CD302: variants seen among roughly 807,000 people sequenced by gnomAD.
The protein encoded by CD302 is CD302 antigen.
A neutral mutation model predicts 26.5 loss-of-function variants in CD302; 23 were observed. That is an observed-to-expected ratio of 0.87 (90% CI 0.62 to 1.23). CD302 has a LOEUF of 1.23. CD302 is among the 50% of genes most tolerant of loss of function. CD302 has a pLI of 0.00. For missense variants in CD302, 290 were observed against 275.5 expected, an observed-to-expected ratio of 1.05 and a Z score of -0.37; for synonymous variants, 90 against 99.4, an observed-to-expected ratio of 0.91 and a Z score of 0.56.
chr2:159,772,120 G>A, intron 5 of CD302, 67 bp from the exon 6 acceptor site: 2 of 1,513,760 alleles, frequency 1.3e-6, no homozygotes, highest in Non-Finnish European at 9.0e-7. Flanking sequence ...ATATTTTGAT[G>A]AGCACAACTG....
intron 5 of CD302, among the ~76,000 whole-genome samples, chr2:159,774,985 G>A (rs1056888757): frequency 2.6e-5 from 4 of 152,132 alleles, no homozygotes; most frequent in African/African-American, 9.7e-5. Flanking sequence ...TTGACTTTAG[G>A]TCTTCATTAT....
chr2:159,790,790 T>C (rs1012967284), intron 1 of CD302, among the ~76,000 whole-genome samples: 15 of 152,214 alleles, frequency 9.9e-5, no homozygotes, highest in Admixed American at 8.5e-4. Flanking sequence ...CACTTTTGTA[T>C]TATTTCTAGT....
chr2:159,777,842 T>C (rs1191547724), intron 5 of CD302, 96 bp downstream of exon 5: 3 of 605,964 alleles, frequency 5.0e-6, no homozygotes, highest in Non-Finnish European at 5.3e-6. Flanking sequence ...TTATATTACA[T>C]AATTTTAAAA....
chr2:159,795,839 C>G (rs1454818328), intron 1 of CD302, among the ~76,000 whole-genome samples: 1 of 152,238 alleles, frequency 6.6e-6, no homozygotes, highest in Non-Finnish European at 1.5e-5. Context: ...TCCCTAGATT[C>G]TGATCCACAT....
At chr2:159,775,054 T>A (rs944792466) in intron 5 of CD302, among the ~76,000 whole-genome samples, 1 of 152,178 alleles carries the variant, frequency 6.6e-6, no homozygotes, top group African/African-American at 2.4e-5. Flanking sequence ...AAAATAAAAA[T>A]AAAGTGCAAC....
intron 2 of CD302, 96 bp from the exon 3 acceptor site, chr2:159,781,094 A>G (rs761730344): frequency 4.1e-6 from 4 of 964,370 alleles, no homozygotes; most frequent in South Asian, 3.3e-5. Flanking sequence ...TTAACTTTCT[A>G]TATATATTAG....
At chr2:159,794,304 AT>A (rs1402912758) in intron 1 of CD302, among the ~76,000 whole-genome samples, 106 of 19,692 alleles carry the variant, frequency 5.4e-3, no homozygotes, top group Admixed American at 0.011. Context: ...AAATAAAATA[AT>A]AAAAAAAAAA....
Position 159,772,023 on chromosome 2 carries a change from A to G in CD302, c.527T>C (p.Ile176Thr), listed in dbSNP as rs769285284. The G allele has an allele frequency of 2.0e-5, 32 of 1,613,936 alleles. No individual in the cohort carries two copies. The highest frequency in any genetic ancestry group is 4.4e-5 in the South Asian group (4 of 91,084). ...AACTGTCAAAATTACCGTGCTAGCAATCACCAATGCTGATATTAAAATGTG... is the reference window on the plus strand; with the variant it reads ...AACTGTCAAAATTACCGTGCTAGCAGTCACCAATGCTGATATTAAAATGTG... The part of the protein sequence containing the change: ...DNHILISALV[I>T]ASTVILTVLG... Residue 176 changes from isoleucine (I) to threonine (T), a missense_variant, in exon 6 of 6, where the codon ATT becomes ACT. Transcript: ENST00000259053.
rs557210874 is a variant in CD302 at position 159,782,794 on chromosome 2, T to C, written c.178+565A>G. Among the ~76,000 whole-genome samples the C allele has an allele frequency of 5.9e-5, 9 of 152,182 alleles. No homozygotes were observed. The South Asian group carries it at 1.9e-3, about 32-fold the overall frequency. On this transcript the variant is annotated intron_variant, in intron 2 of 5. Coordinates refer to ENST00000259053, the MANE Select transcript of CD302 (RefSeq NM_014880.5). ...TATAAATCTATTTCCTAGAGAACAC[T>C]GAGTGTATGGTCTAGCAAATAGCCT...
chr2:159,790,758 T>A (rs1574501557), intron 1 of CD302, among the ~76,000 whole-genome samples: 1 of 152,262 alleles, frequency 6.6e-6, no homozygotes, highest in East Asian at 1.9e-4. Flanking sequence ...TTGGCAATTA[T>A]TGAACCACAG....
intron 5 of CD302, among the ~76,000 whole-genome samples, chr2:159,775,647 A>G (rs1237601492): frequency 2.6e-5 from 4 of 152,244 alleles, no homozygotes; most frequent in African/African-American, 9.6e-5. Context: ...AAAGAAATAC[A>G]TGTAACAAAT....
At chr2:159,777,908 GA>G in intron 5 of CD302, 29 bp downstream of exon 5, 1 of 999,438 alleles carries the variant, frequency 1.0e-6, no homozygotes, top group Non-Finnish European at 1.5e-6. Context: ...TTAATTGTGG[GA>G]AAAATTTAAA....
chr2:159,773,296 G>T (rs1294407950), intron 5 of CD302, among the ~76,000 whole-genome samples: 2 of 152,186 alleles, frequency 1.3e-5, no homozygotes. Flanking sequence ...TTACAGGTGT[G>T]GGCCACCGTG....
At chr2:159,776,697 ATTT>A (rs753454427) in intron 5 of CD302, among the ~76,000 whole-genome samples, 4 of 114,612 alleles carry the variant, frequency 3.5e-5, no homozygotes, top group Admixed American at 1.1e-4. Context: ...CTCACATCCA[ATTT>A]TTTTTTTTTT....
chr2:159,784,965 G>T (rs1002722508), intron 1 of CD302, among the ~76,000 whole-genome samples: 1 of 136,752 alleles, frequency 7.3e-6, no homozygotes, highest in Non-Finnish European at 1.5e-5. Flanking sequence ...CCCTGTATCC[G>T]TACAGACTTT....
At position 159,783,448 on chromosome 2, in the gene CD302, A is replaced by AGT; in HGVS notation, c.88_89insAC (p.Ile30AsnfsTer18). On this transcript the variant is annotated frameshift_variant, in exon 2 of 6. Coordinates refer to ENST00000259053, the MANE Select transcript of CD302 (RefSeq NM_014880.5). LOFTEE classifies it high-confidence loss of function. ...AATGTAACAACTGTCTTGGAACTGA[A>AGT]TCCAAGTAGATGAAGGACAGTCTAT... 1 of 1,609,826 alleles carries AGT rather than the reference A, an allele frequency of 6.2e-7. No homozygotes were observed. Among genetic ancestry groups the AGT allele is most frequent in the East Asian group, 2.2e-5 (1 of 44,764 alleles).
chr2:159,789,186 A>C (rs1183570495), intron 1 of CD302, among the ~76,000 whole-genome samples: 1 of 150,732 alleles, frequency 6.6e-6, no homozygotes, highest in East Asian at 1.9e-4. Flanking sequence ...TTTTTTGTAG[A>C]GACAGGGGTG....
chr2:159,771,579 CT>C lies in CD302; in HGVS notation c.*271del. On this transcript the variant is annotated 3_prime_UTR_variant, in exon 6 of 6. Transcript: ENST00000259053. ...TAGGCTGGGCTTTTATTTTTATCTG[CT>C]TGGGCTTTAAGCTTTCCTTCATTCA... 1 of 321,784 alleles carries C rather than the reference CT, an allele frequency of 3.1e-6. No individual in the cohort carries two copies. The highest frequency in any genetic ancestry group is 5.7e-6 in the Non-Finnish European group (1 of 174,496). The allele number at this position is 321,784 out of a possible 1,614,324, so 19.9% of individuals were successfully genotyped here.
intron 2 of CD302, 32 bp from the exon 3 acceptor site, chr2:159,781,030 C>T (rs367589376): frequency 1.2e-4 from 179 of 1,555,052 alleles, no homozygotes; most frequent in Non-Finnish European, 1.5e-4. Context: ...AAAAAGTCAG[C>T]ATATTCCAGA....
Sources: gnomAD v4.1 joint callset for allele counts (sites outside exome capture counted in the v4.1 genomes callset) on GRCh38, gnomAD v4.1.1 for gene constraint, MANE v1.5 for transcripts, NCBI Gene and HGNC (gene_info 2026-07-23, HGNC 2026-07-21) for gene names.